COL4A2: variants seen among roughly 807,000 people sequenced by gnomAD.
COL4A2 encodes the protein collagen alpha-2(IV) chain.
Under a neutral mutation model 200.2 loss-of-function variants are expected in COL4A2, and 99 were observed. The observed-to-expected ratio is 0.49, with a 90% CI of 0.42 to 0.58. The LOEUF (loss-of-function observed/expected upper bound fraction) is 0.58. COL4A2 is among the 20% of genes least tolerant of loss of function. The probability of loss-of-function intolerance (pLI) is 0.00; values close to 1 mark genes in which losing one functional copy is unlikely to be tolerated. For synonymous variants in COL4A2, 897 were observed against 900.6 expected, an observed-to-expected ratio of 1.00 and a Z score of 0.07; for missense variants, 1,950 against 2,314.1, an observed-to-expected ratio of 0.84 and a Z score of 3.23.
intron 16 of COL4A2, 27 bp downstream of exon 16, chr13:110,439,860 T>G (rs1484682818): frequency 6.2e-7 from 1 of 1,611,928 alleles, no homozygotes; most frequent in Non-Finnish European, 8.5e-7. Flanking sequence ...AACTGCAGTC[T>G]GCTCTGGGCC....
chr13:110,502,846 G>A (rs1883696951), intron 41 of COL4A2: 1 of 387,330 alleles, frequency 2.6e-6, no homozygotes, highest in Non-Finnish European at 4.7e-6. Context: ...GTATAACGGG[G>A]ACAGATTTCA....
chr13:110,375,102 C>T (rs1878180769), intron 4 of COL4A2, among the ~76,000 whole-genome samples: 1 of 152,168 alleles, frequency 6.6e-6, no homozygotes, highest in African/African-American at 2.4e-5. Context: ...GAGCTGTTGC[C>T]CAATTGGACT....
intron 3 of COL4A2, among the ~76,000 whole-genome samples, chr13:110,350,560 G>A (rs946765582): frequency 2.0e-5 from 3 of 152,192 alleles, no homozygotes; most frequent in Non-Finnish European, 2.9e-5. Flanking sequence ...CTGAGTCATG[G>A]AACATGCTGA....
intron 29 of COL4A2, among the ~76,000 whole-genome samples, chr13:110,476,506 G>T (rs1004183452): frequency 6.6e-6 from 1 of 152,216 alleles, no homozygotes; most frequent in Non-Finnish European, 1.5e-5. Flanking sequence ...TCAGCAGCCT[G>T]ACTCTCGGTT....
intron 22 of COL4A2, 39 bp from the exon 23 acceptor site, chr13:110,462,075 T>C: frequency 1.2e-6 from 2 of 1,611,724 alleles, no homozygotes; most frequent in Admixed American, 1.7e-5. Flanking sequence ...GCCCTCACAG[T>C]ACAAAGAAGG....
chr13:110,446,030 C>T (rs1014506444), intron 17 of COL4A2, 148 bp downstream of exon 17: 59 of 831,512 alleles, frequency 7.1e-5, no homozygotes, highest in Middle Eastern at 6.9e-4. Context: ...ACTGGACAGA[C>T]GAGGTGGATG....
At chr13:110,436,152 A>G in intron 12 of COL4A2, 117 bp from the exon 13 acceptor site, 1 of 1,445,324 alleles carries the variant, frequency 6.9e-7, no homozygotes, top group South Asian at 1.1e-5. Flanking sequence ...AGGTATACAT[A>G]TGGTAAGTAA....
rs945127721 is a variant in COL4A2, at chr13:110,445,751, A to C, written c.958-78A>C. ...AATAAACTGTTGTTCATTTTGTGAGATATAATAATGCCATTGCAGTCCCTT... is the reference window on the plus strand; with the variant it reads ...AATAAACTGTTGTTCATTTTGTGAGCTATAATAATGCCATTGCAGTCCCTT... On this transcript the variant is annotated intron_variant, in intron 16 of 47. Coordinates refer to ENST00000360467, the MANE Select transcript of COL4A2 (RefSeq NM_001846.4). The C allele has an allele frequency of 5.9e-6, 9 of 1,530,542 alleles. No homozygotes were observed. In the African/African-American group the frequency reaches 1.1e-4, roughly 19 times the overall value. The allele number at this position is 1,530,542 out of a possible 1,614,324, so 94.8% of individuals were successfully genotyped here. A position where few individuals can be genotyped will look rare whatever the true frequency, so the allele number is the denominator to read the frequency against.
intron 4 of COL4A2, among the ~76,000 whole-genome samples, chr13:110,359,781 C>T (rs947436863): frequency 6.6e-6 from 1 of 152,228 alleles, no homozygotes; most frequent in Non-Finnish European, 1.5e-5. Context: ...CTTCCTATTT[C>T]CTGACCTGTG....
rs1883935884 is a variant in COL4A2, at chr13:110,507,796, G to C, written c.4595-139G>C. 7 of 789,574 alleles carry C rather than the reference G, an allele frequency of 8.9e-6. No individual in the cohort carries two copies. The East Asian group carries it at 1.5e-4, about 17-fold the overall frequency. The allele number at this position is 789,574 out of a possible 1,614,324, so 48.9% of individuals were successfully genotyped here. A position where few individuals can be genotyped will look rare whatever the true frequency, so the allele number is the denominator to read the frequency against. On this transcript the variant is annotated intron_variant, in intron 46 of 47. Coordinates refer to ENST00000360467, the MANE Select transcript of COL4A2 (RefSeq NM_001846.4). ...GAAAGAAATTGGGAAGCCTTAGCCT[G>C]GCCCTCCAGTAGGTGGCTAAACTCC...
intron 4 of COL4A2, among the ~76,000 whole-genome samples, chr13:110,409,729 A>C (rs35096048): frequency 6.6e-6 from 1 of 152,094 alleles, no homozygotes; most frequent in South Asian, 2.1e-4. Flanking sequence ...CAAATGAGCC[A>C]TGCATTATCT....
chr13:110,492,200 G>T (rs1009469529), intron 38 of COL4A2, 23 bp downstream of exon 38: 1 of 1,546,004 alleles, frequency 6.5e-7, no homozygotes, highest in Non-Finnish European at 8.8e-7. Flanking sequence ...AAAACACGTG[G>T]TCACCCAGAC....
chr13:110,307,883 C>T lies in COL4A2; in HGVS notation c.-21C>T. The stretch of plus-strand genomic sequence containing the variant: ...AGGCTAAGTGGGACTGACCGGGGCC[C>T]AGAGTGGACGAACCGCCAGCATGGG... On this transcript the variant is annotated 5_prime_UTR_variant, in exon 2 of 48. Coordinates refer to ENST00000360467, the MANE Select transcript of COL4A2 (RefSeq NM_001846.4). This position sits in a 1 kb window ranked among gnomAD's most constrained non-coding sequence, Gnocchi z 5.0. 6.2e-7 allele frequency: 1 copy of T among 1,610,202 alleles called. No homozygotes were observed. Among genetic ancestry groups the T allele is most frequent in the African/African-American group, 1.3e-5 (1 of 75,040 alleles).
intron 4 of COL4A2, among the ~76,000 whole-genome samples, chr13:110,386,997 T>C (rs1481275365): frequency 1.3e-5 from 2 of 152,156 alleles, no homozygotes; most frequent in Non-Finnish European, 2.9e-5. Flanking sequence ...CCCATTACTT[T>C]GGGAGGCCGA....
At chr13:110,495,564 G>A in intron 40 of COL4A2, 97 bp downstream of exon 40, 1 of 1,477,384 alleles carries the variant, frequency 6.8e-7, no homozygotes, top group Non-Finnish European at 9.0e-7. Flanking sequence ...GAGAGGCTGT[G>A]CAGAAGTGCA....
At chr13:110,330,291 G>C (rs1407115514) in intron 3 of COL4A2, among the ~76,000 whole-genome samples, 1 of 152,146 alleles carries the variant, frequency 6.6e-6, no homozygotes, top group Non-Finnish European at 1.5e-5. Flanking sequence ...ATTAGAAGGG[G>C]TAAGGTTTCG....
At position 110,313,817 on chromosome 13, in the gene COL4A2, T is replaced by C. The variant is rs9583483; in HGVS notation, c.99+5694T>C. Among the ~76,000 whole-genome samples, 47 of 39,402 alleles carry C rather than the reference T, an allele frequency of 1.2e-3. 13 individuals carry two copies. The highest frequency in any genetic ancestry group is 4.7e-3 in the African/African-American group (31 of 6,666). The allele number at this position is 39,402 out of a possible 152,430, so 25.8% of individuals were successfully genotyped here. A position where few individuals can be genotyped will look rare whatever the true frequency, so the allele number is the denominator to read the frequency against. On this transcript the variant is annotated intron_variant, in intron 3 of 47. Coordinates refer to ENST00000360467, the MANE Select transcript of COL4A2 (RefSeq NM_001846.4). Reference sequence around the variant, plus strand: ...GGCAGGCTCCCACCCCAGTGCCCCGTGTCCACCCGGCAGGCTCCCACCCCG... The same window carrying C: ...GGCAGGCTCCCACCCCAGTGCCCCGCGTCCACCCGGCAGGCTCCCACCCCG...
intron 4 of COL4A2, among the ~76,000 whole-genome samples, chr13:110,383,105 T>A (rs560875351): frequency 1.3e-5 from 2 of 152,404 alleles, no homozygotes; most frequent in African/African-American, 4.8e-5. Flanking sequence ...CCACATTTTT[T>A]AAGTGACTCT....
intron 4 of COL4A2, among the ~76,000 whole-genome samples, chr13:110,358,007 G>A (rs1426984031): frequency 1.3e-5 from 2 of 151,982 alleles, no homozygotes; most frequent in Admixed American, 1.3e-4. Context: ...CTAAACTTAC[G>A]TTTTCAATAT....
Sources: gnomAD v4.1 joint callset for allele counts (sites outside exome capture counted in the v4.1 genomes callset) on GRCh38, gnomAD v4.1.1 for gene constraint, Gnocchi (gnomAD v3.1) non-coding constraint, MANE v1.5 for transcripts, NCBI Gene and HGNC (gene_info 2026-07-23, HGNC 2026-07-21) for gene names.